Variants in ARHGEF7 observed in about 807,000 individuals in gnomAD.
The protein encoded by ARHGEF7 is Rho guanine nucleotide exchange factor 7.
In ARHGEF7, 33 loss-of-function variants were observed where a neutral mutation model predicts 109.8. The observed-to-expected ratio is 0.30, with a 90% CI of 0.23 to 0.40. The LOEUF (loss-of-function observed/expected upper bound fraction) is 0.40, where lower values mean the gene tolerates loss of function less well. Ranked by LOEUF, ARHGEF7 falls within the 10% of genes least tolerant of loss-of-function variation. The pLI, the probability that ARHGEF7 is intolerant of heterozygous loss-of-function variation, is 1.00. For synonymous variants in ARHGEF7, 458 were observed against 424.6 expected (o/e 1.08, Z -0.97); for missense variants, 938 against 1,098.5 (o/e 0.85, Z 2.07).
chr13:111,283,631 G>A (rs138365120), intron 16 of ARHGEF7, among the ~76,000 whole-genome samples: 3 of 152,168 alleles, frequency 2.0e-5, no homozygotes, highest in Admixed American at 1.3e-4. Flanking sequence ...GGAGTGTGCC[G>A]CCAGGGGCCA....
chr13:111,286,316 G>T (rs1232835664), intron 17 of ARHGEF7, 76 bp downstream of exon 17: 8 of 1,237,232 alleles, frequency 6.5e-6, no homozygotes, highest in Non-Finnish European at 9.4e-6. Context: ...GGGATAGAGG[G>T]AGGCTTGGTG....
At chr13:111,226,729 A>G (rs1003312642) in intron 5 of ARHGEF7, among the ~76,000 whole-genome samples, 20 of 152,248 alleles carry the variant, frequency 1.3e-4, no homozygotes, top group Admixed American at 5.9e-4. Context: ...ACTGCAGCTC[A>G]TGGGTCAAGG....
intron 4 of ARHGEF7, among the ~76,000 whole-genome samples, chr13:111,210,704 C>T (rs183201932): frequency 2.6e-5 from 4 of 152,322 alleles, no homozygotes; most frequent in Admixed American, 2.6e-4. Flanking sequence ...CAGTCCTGCA[C>T]CCTTCTCTGA....
chr13:111,267,551 G>T lies in ARHGEF7; in HGVS notation c.954G>T (p.Leu318Phe), dbSNP rs755564272. The T allele has an allele frequency of 3.7e-6, 6 of 1,613,682 alleles. No homozygotes were observed. Among genetic ancestry groups the T allele is most frequent in the Middle Eastern group, 1.6e-4 (1 of 6,078 alleles). ...LVQSLEECTK[L>F]PEAQQRVGGC... is the part of the protein sequence containing the mutation. ...CCTTTGTGTCGCATTTCTCCAGGTTGCCCGAAGCTCAGCAGAGAGTCGGAG... is the reference window on the plus strand; with the variant it reads ...CCTTTGTGTCGCATTTCTCCAGGTTTCCCGAAGCTCAGCAGAGAGTCGGAG... The change falls in exon 9 of 22, where the codon TTG (leucine) becomes TTT (phenylalanine). Residue 318 changes from leucine (L) to phenylalanine (F), a missense_variant. Around this residue, in one of 4 missense-constraint regions of ARHGEF7, gnomAD observed 585 missense variants for 723.6 expected, o/e 0.81. Transcript: ENST00000646102.
chr13:111,275,211 C>T (rs369230388), intron 11 of ARHGEF7, among the ~76,000 whole-genome samples: 35 of 152,262 alleles, frequency 2.3e-4, no homozygotes, highest in East Asian at 1.4e-3. Context: ...TTGGCAAACA[C>T]GAACAAAACC....
chr13:111,259,010 G>A (rs1453398399), intron 8 of ARHGEF7, among the ~76,000 whole-genome samples: 2 of 152,188 alleles, frequency 1.3e-5, no homozygotes, highest in African/African-American at 2.4e-5. Flanking sequence ...GGAGTGAAGA[G>A]TGGGAAGGAC....
At chr13:111,180,414 T>A (rs1354593208) in intron 2 of ARHGEF7, among the ~76,000 whole-genome samples, 1 of 152,142 alleles carries the variant, frequency 6.6e-6, no homozygotes, top group Non-Finnish European at 1.5e-5. Context: ...CACATACAGA[T>A]AGGATATTTT....
At chr13:111,206,491 C>T (rs1277582716) in intron 3 of ARHGEF7, among the ~76,000 whole-genome samples, 2 of 152,092 alleles carry the variant, frequency 1.3e-5, no homozygotes, top group African/African-American at 2.4e-5. Flanking sequence ...GCTGTGGCTG[C>T]GTGTTCACAG....
intron 5 of ARHGEF7, among the ~76,000 whole-genome samples, chr13:111,226,849 G>A (rs528615792): frequency 6.6e-6 from 1 of 152,310 alleles, no homozygotes; most frequent in South Asian, 2.1e-4. Context: ...CTTCTGGAAA[G>A]GATTTACCCC....
rs148269997 is a variant in ARHGEF7, at chr13:111,305,103, C to T, written c.*1990C>T. 1.1e-4 allele frequency: 16 copies of T among 152,350 alleles called. No individual in the cohort carries two copies. In the East Asian group the frequency reaches 1.5e-3, roughly 15 times the overall value. The allele number at this position is 152,350 out of a possible 1,614,324, so 9.4% of individuals were successfully genotyped here. On this transcript the variant is annotated 3_prime_UTR_variant, in exon 22 of 22. Transcript: ENST00000646102. ...TGCAGACCTGCCTTAATGCTCAGAT[C>T]GAAGTATTTCACAAGAATACTTGTG...
rs1282362952 is a variant in ARHGEF7 at position 111,258,640 on chromosome 13, A to G, written c.951-8908A>G. On this transcript the variant is annotated intron_variant, in intron 8 of 21. Coordinates refer to ENST00000646102, the MANE Select transcript of ARHGEF7 (RefSeq NM_001354046.2). This position sits in a 1 kb window ranked among gnomAD's most constrained non-coding sequence, Gnocchi z 4.4. ...GAGACTCAAAGACGAGCTGGCTTCA[A>G]ATGTGACCCAGAGCACATTCCCAGC... is the stretch of plus-strand genomic sequence containing the variant. Among the ~76,000 whole-genome samples, 5 of 152,138 alleles carry G rather than the reference A, an allele frequency of 3.3e-5. No homozygotes were observed. The highest frequency in any genetic ancestry group is 2.1e-4 in the South Asian group (1 of 4,820).
chr13:111,228,324 A>G lies in ARHGEF7; in HGVS notation c.671-4881A>G, dbSNP rs1372298944. Among the ~76,000 whole-genome samples, 1 of 152,198 alleles carries G rather than the reference A, an allele frequency of 6.6e-6. No homozygotes were observed. Among genetic ancestry groups the G allele is most frequent in the Non-Finnish European group, 1.5e-5 (1 of 68,032 alleles). On this transcript the variant is annotated intron_variant, in intron 5 of 21. Coordinates refer to ENST00000646102, the MANE Select transcript of ARHGEF7 (RefSeq NM_001354046.2). The surrounding 1 kb of genome is among the most constrained non-coding windows in gnomAD (Gnocchi z 4.6). ...ATTAGATACTATTTAAAAATTATTAATATCGTCAGGTGTGATAATGGTCTG... is the reference window on the plus strand; with the variant it reads ...ATTAGATACTATTTAAAAATTATTAGTATCGTCAGGTGTGATAATGGTCTG...
intron 1 of ARHGEF7, among the ~76,000 whole-genome samples, chr13:111,146,046 G>A (rs1566624665): frequency 6.6e-6 from 1 of 152,126 alleles, no homozygotes. Flanking sequence ...GTCTAATGAG[G>A]GAGATGAGAT....
intron 8 of ARHGEF7, among the ~76,000 whole-genome samples, chr13:111,245,129 C>T (rs1362632220): frequency 1.3e-5 from 2 of 152,120 alleles, no homozygotes; most frequent in Non-Finnish European, 2.9e-5. Flanking sequence ...TGACCAATGC[C>T]GGCTGCAGGC....
intron 2 of ARHGEF7, among the ~76,000 whole-genome samples, chr13:111,154,278 A>G (rs2076121394): frequency 6.6e-6 from 1 of 152,212 alleles, no homozygotes; most frequent in Non-Finnish European, 1.5e-5. Context: ...CTGGTGGTGC[A>G]GGTGACACAC....
At chr13:111,165,361 A>C (rs1166411631) in intron 2 of ARHGEF7, among the ~76,000 whole-genome samples, 2 of 152,196 alleles carry the variant, frequency 1.3e-5, no homozygotes, top group Non-Finnish European at 2.9e-5. Context: ...AAGTCTTTCC[A>C]GTGCAGCTGG....
In ARHGEF7 at chr13:111,275,588, A is replaced by G. The variant is rs755344102; in HGVS notation, c.1329A>G (p.Glu443=). 1.2e-6 allele frequency: 2 copies of G among 1,614,198 alleles called. No individual in the cohort carries two copies. The highest frequency in any genetic ancestry group is 2.2e-5 in the South Asian group (2 of 91,078). ...AGCTTGAGCTGCAGATCCTGACGGA[A>G]GCCATCCGGAACTGGGAGGGCGATG... ...RKELELQILT[E]AIRNWEGDDI... The change falls in exon 12 of 22, where the codon GAA becomes GAG. Residue 443 remains glutamate, a synonymous_variant. Coordinates refer to ENST00000646102, the MANE Select transcript of ARHGEF7 (RefSeq NM_001354046.2).
At chr13:111,276,316 A>G (rs1182900294) in intron 12 of ARHGEF7, among the ~76,000 whole-genome samples, 4 of 152,216 alleles carry the variant, frequency 2.6e-5, no homozygotes, top group Non-Finnish European at 5.9e-5. Flanking sequence ...GAAATGACTC[A>G]TTTTTGAACA....
At chr13:111,289,682 A>T (rs2093192639) in intron 18 of ARHGEF7, among the ~76,000 whole-genome samples, 1 of 152,182 alleles carries the variant, frequency 6.6e-6, no homozygotes, top group Admixed American at 6.5e-5. Flanking sequence ...AGAAAAGGAG[A>T]GAGAGGGAAG....
Sources: allele counts gnomAD v4.1 joint callset (sites outside exome capture counted in the v4.1 genomes callset), GRCh38; gene constraint gnomAD v4.1.1; regional missense constraint gnomAD v4.1.1; non-coding constraint Gnocchi (gnomAD v3.1); transcripts MANE v1.5; gene names NCBI Gene and HGNC (gene_info 2026-07-23, HGNC 2026-07-21).